Variants in MAP1A observed in about 807,000 individuals in gnomAD.
The protein encoded by MAP1A is microtubule-associated protein 1A.
A neutral mutation model predicts 185.9 loss-of-function variants in MAP1A; 42 were observed. The ratio of observed to expected loss-of-function variants is 0.23; its 90% CI spans 0.18 to 0.29. MAP1A has a LOEUF of 0.29. Ranked by LOEUF, MAP1A falls within the 10% of genes least tolerant of loss-of-function variation. MAP1A has a pLI of 1.00. For missense variants in MAP1A, 2,995 were observed against 3,450.4 expected, an observed-to-expected ratio of 0.87 and a Z score of 3.31; for synonymous variants, 1,229 against 1,335.9, an observed-to-expected ratio of 0.92 and a Z score of 1.74.
In MAP1A at chr15:43,521,609, G is replaced by A. The variant is rs2079319548; in HGVS notation, c.136G>A (p.Gly46Ser). The A allele has an allele frequency of 6.2e-7, 1 of 1,614,130 alleles. No individual in the cohort carries two copies. The highest frequency in any genetic ancestry group is 2.2e-5 in the East Asian group (1 of 44,878). Residue 46 changes from glycine (G) to serine (S), a missense_variant, in exon 4 of 6, where the codon GGT becomes AGT. By Grantham distance (56) the Gly-to-Ser change is moderately conservative. Coordinates refer to ENST00000300231, the MANE Select transcript of MAP1A (RefSeq NM_002373.6). This position sits in a 1 kb window ranked among gnomAD's most constrained non-coding sequence, Gnocchi z 4.6. ...SKPCCYIFPG[G>S]RGDSALFAVN... ...GCCTTGTTGCTACATCTTCCCAGGT[G>A]GTCGTGGGGACTCTGCCCTCTTTGC...
chr15:43,510,986 T>A, exon 1 of MAP1A: 1 of 1,537,672 alleles, frequency 6.5e-7, no homozygotes, highest in Non-Finnish European at 8.8e-7. Context: ...CGCGGGTGTT[T>A]CCATGGAGAC....
upstream of MAP1A, among the ~76,000 whole-genome samples, chr15:43,514,984 G>A (rs1488748737): frequency 6.6e-6 from 1 of 152,178 alleles, no homozygotes; most frequent in African/African-American, 2.4e-5. Flanking sequence ...GGGAGGCCGA[G>A]GTGGGTGGAT....
At chr15:43,511,217 C>G (rs2079275831) in exon 1 of MAP1A, 1 of 1,550,044 alleles carries the variant, frequency 6.5e-7, no homozygotes, top group Admixed American at 2.0e-5. Context: ...GCGGGCCCAC[C>G]TTGAACAAGG....
Position 43,524,954 on chromosome 15 carries a change from C to A in MAP1A, c.3481C>A (p.Pro1161Thr). ...ESLSVLSVPS[P>T]DTANQEPTPK... ...CCTCTCTGTCCTCAGCGTGCCCTCCCCAGACACTGCCAACCAAGAGCCTAC... is the reference window on the plus strand; with the variant it reads ...CCTCTCTGTCCTCAGCGTGCCCTCCACAGACACTGCCAACCAAGAGCCTAC... Residue 1161 changes from proline to threonine, a missense_variant, in exon 4 of 6, where the codon CCA becomes ACA. Pro to Thr is a conservative substitution (Grantham distance 38). Coordinates refer to ENST00000300231, the MANE Select transcript of MAP1A (RefSeq NM_002373.6). 6.2e-7 allele frequency: 1 copy of A among 1,614,158 alleles called. No homozygotes were observed. The highest frequency in any genetic ancestry group is 2.2e-5 in the East Asian group (1 of 44,878).
Position 43,526,335 on chromosome 15 carries a change from T to A in MAP1A, c.4862T>A (p.Leu1621Gln), listed in dbSNP as rs1226258462. 1 of 1,613,992 alleles carries A rather than the reference T, an allele frequency of 6.2e-7. No homozygotes were observed. Residue 1621 changes from leucine to glutamine, a missense_variant, in exon 4 of 6, where the codon CTG becomes CAG. Coordinates refer to ENST00000300231, the MANE Select transcript of MAP1A (RefSeq NM_002373.6). The surrounding 1 kb of genome is among the most constrained non-coding windows in gnomAD (Gnocchi z 4.7). ...GCTCTTCTGGAGAAGACCAAAGCTC[T>A]GGGCCTGGAAGAGAGCCTAGTGCAG... ...LEALLEKTKA[L>Q]GLEESLVQEG... is the part of the protein sequence containing the mutation.
Position 43,527,336 on chromosome 15 carries a change from G to C in MAP1A, c.5863G>C (p.Glu1955Gln), listed in dbSNP as rs762145094. 2 of 1,614,068 alleles carry C rather than the reference G, an allele frequency of 1.2e-6. No individual in the cohort carries two copies. Among genetic ancestry groups the C allele is most frequent in the South Asian group, 1.1e-5 (1 of 91,084 alleles). The change falls in exon 4 of 6, where the codon GAG (glutamate) becomes CAG (glutamine). Residue 1955 changes from glutamate to glutamine, a missense_variant. Glu to Gln is a conservative substitution (Grantham distance 29). This residue lies in a region of MAP1A where 2,728 missense variants were observed against 2,986.0 expected (regional missense o/e 0.91). Coordinates refer to ENST00000300231, the MANE Select transcript of MAP1A (RefSeq NM_002373.6). ...TGAGCAGACTGAGCCGGAGCAGAGA[G>C]AGCCCACACCCTATCCTGATGAGAG... is the stretch of plus-strand genomic sequence containing the variant. ...EPEQTEPEQR[E>Q]PTPYPDERSF...
chr15:43,520,527 TA>T, intron 1 of MAP1A, 113 bp from the exon 2 acceptor site: 1 of 743,876 alleles, frequency 1.3e-6, no homozygotes, highest in Non-Finnish European at 2.3e-6. Flanking sequence ...TGGCAGGGCC[TA>T]AGGATACCTT....
upstream of MAP1A, among the ~76,000 whole-genome samples, chr15:43,513,929 G>C (rs1170369107): frequency 6.6e-6 from 1 of 152,212 alleles, no homozygotes; most frequent in Non-Finnish European, 1.5e-5. Flanking sequence ...AATTCACACT[G>C]AATGCTCTAA....
In MAP1A at chr15:43,521,741, A is replaced by G. The variant is rs1468610334; in HGVS notation, c.268A>G (p.Ile90Val). The change falls in exon 4 of 6, where the codon ATT becomes GTT. Residue 90 changes from isoleucine to valine, a missense_variant. Coordinates refer to ENST00000300231, the MANE Select transcript of MAP1A (RefSeq NM_002373.6). This position sits in a 1 kb window ranked among gnomAD's most constrained non-coding sequence, Gnocchi z 4.6. ...DRIDSVLLTH[I>V]GADNLPGING... ...CATTGACTCGGTGCTACTCACACAC[A>G]TTGGGGCAGACAACCTGCCAGGCAT... 4.3e-6 allele frequency: 7 copies of G among 1,614,178 alleles called. No homozygotes were observed. The highest frequency in any genetic ancestry group is 5.9e-6 in the Non-Finnish European group (7 of 1,180,026).
rs1190487021 is a variant in MAP1A at position 43,527,232 on chromosome 15, G to A, written c.5759G>A (p.Gly1920Asp). 7 of 1,614,122 alleles carry A rather than the reference G, an allele frequency of 4.3e-6. No homozygotes were observed. The highest frequency in any genetic ancestry group is 2.2e-5 in the East Asian group (1 of 44,878). ...RKAEGEREEE[G>D]RAEAPDKSSH... is the part of the protein sequence containing the mutation. ...GCTGAAGGGGAAAGGGAAGAAGAAG[G>A]TAGGGCTGAGGCTCCTGACAAAAGC... is the stretch of plus-strand genomic sequence containing the variant. The change falls in exon 4 of 6, where the codon GGT (glycine) becomes GAT (aspartate). Residue 1920 changes from glycine (G) to aspartate (D), a missense_variant. Around this residue, in one of 3 missense-constraint regions of MAP1A, gnomAD observed 2,728 missense variants for 2,986.0 expected, o/e 0.91. Coordinates refer to ENST00000300231, the MANE Select transcript of MAP1A (RefSeq NM_002373.6).
chr15:43,528,075 C>T lies in MAP1A; in HGVS notation c.6602C>T (p.Ala2201Val), dbSNP rs2140210425. 1 of 1,614,040 alleles carries T rather than the reference C, an allele frequency of 6.2e-7. No homozygotes were observed. The highest frequency in any genetic ancestry group is 2.2e-5 in the East Asian group (1 of 44,880). ...TCCCTTGCCTTCTCTGGGGATCGAG[C>T]TCTGGCTCTGGCTCCAGGACCCCCC... Reference protein sequence around the residue: ...CGSLAFSGDRALALAPGPPTR... With the variant: ...CGSLAFSGDRVLALAPGPPTR... The change falls in exon 4 of 6, where the codon GCT (alanine) becomes GTT (valine). Residue 2201 changes from alanine to valine, a missense_variant. Ala to Val is a moderately conservative substitution (Grantham distance 64). Coordinates refer to ENST00000300231, the MANE Select transcript of MAP1A (RefSeq NM_002373.6).
rs1405330549 is a variant in MAP1A, at chr15:43,527,007, G to C, written c.5534G>C (p.Trp1845Ser). The C allele has an allele frequency of 6.2e-7, 1 of 1,611,322 alleles. No individual in the cohort carries two copies. The highest frequency in any genetic ancestry group is 1.1e-5 in the South Asian group (1 of 90,600). The change falls in exon 4 of 6, where the codon TGG becomes TCG. Residue 1845 changes from tryptophan to serine, a missense_variant. Around this residue, in one of 3 missense-constraint regions of MAP1A, gnomAD observed 2,728 missense variants for 2,986.0 expected, o/e 0.91. Transcript: ENST00000300231. ...TPSWLADIPPWVPKDRPLPPA... is the reference protein window; with the variant it reads ...TPSWLADIPPSVPKDRPLPPA... The stretch of plus-strand genomic sequence containing the variant: ...TCATGGCTGGCTGACATCCCACCCT[G>C]GGTGCCCAAGGACAGACCCCTCCCC...
At position 43,525,244 on chromosome 15, in the gene MAP1A, G is replaced by A; in HGVS notation, c.3771G>A (p.Glu1257=). The change falls in exon 4 of 6, where the codon GAG becomes GAA. Residue 1257 remains glutamate (E), a synonymous_variant. Transcript: ENST00000300231. ...ACACAGCTCCCATGTCTGTTCCAGA[G>A]CCCCATGCAGCCACAGCGTCACCTC... ...SHHTAPMSVP[E]PHAATASPPT... The A allele has an allele frequency of 6.2e-7, 1 of 1,614,134 alleles. No homozygotes were observed. Among genetic ancestry groups the A allele is most frequent in the Non-Finnish European group, 8.5e-7 (1 of 1,180,012 alleles).
chr15:43,521,710 G>A lies in MAP1A; in HGVS notation c.237G>A (p.Leu79=). 1 of 1,614,184 alleles carries A rather than the reference G, an allele frequency of 6.2e-7. No individual in the cohort carries two copies. Among genetic ancestry groups the A allele is most frequent in the Non-Finnish European group, 8.5e-7 (1 of 1,180,040 alleles). ...KSCFWKLVRH[L]DRIDSVLLTH... ...GTTTTTGGAAGCTGGTACGGCACTT[G>A]GACCGCATTGACTCGGTGCTACTCA... Residue 79 remains leucine, a synonymous_variant, in exon 4 of 6, where the codon TTG becomes TTA. Transcript: ENST00000300231. The surrounding 1 kb of genome is among the most constrained non-coding windows in gnomAD (Gnocchi z 4.6).
Position 43,527,468 on chromosome 15 carries a change from T to G in MAP1A, c.5995T>G (p.Cys1999Gly), listed in dbSNP as rs756889238. 1 of 1,613,980 alleles carries G rather than the reference T, an allele frequency of 6.2e-7. No homozygotes were observed. Among genetic ancestry groups the G allele is most frequent in the African/African-American group, 1.3e-5 (1 of 74,920 alleles). Residue 1999 changes from cysteine to glycine, a missense_variant, in exon 4 of 6, where the codon TGC (cysteine) becomes GGC (glycine). Physicochemically the swap from Cys to Gly is radical, Grantham distance 159 (BLOSUM62 -3). Transcript: ENST00000300231. ...TGGAGCAGCTGGGGATTGGCCCCCA[T>G]GCCTCTCAACCAAGGAGGCAGCTGC... The part of the protein sequence containing the change: ...PLGAAGDWPP[C>G]LSTKEAAAGR...
At chr15:43,517,534 G>A (rs1170559154), upstream of MAP1A, 10 of 203,368 alleles carry the variant, frequency 4.9e-5, no homozygotes, top group Non-Finnish European at 8.7e-6. Flanking sequence ...CCTCGTCACG[G>A]ACCAGCCCCT....
At position 43,525,295 on chromosome 15, in the gene MAP1A, T is replaced by A; in HGVS notation, c.3822T>A (p.Ser1274=). Residue 1274 remains serine, a synonymous_variant, in exon 4 of 6, where the codon TCT becomes TCA. Coordinates refer to ENST00000300231, the MANE Select transcript of MAP1A (RefSeq NM_002373.6). The part of the protein sequence containing the change: ...SPPTDGTTRY[S]AQTDITDDSL... ...CCACAGATGGGACAACTCGATACTCTGCACAGACAGACATCACAGATGACA... is the reference window on the plus strand; with the variant it reads ...CCACAGATGGGACAACTCGATACTCAGCACAGACAGACATCACAGATGACA... The A allele has an allele frequency of 6.2e-7, 1 of 1,614,190 alleles. No individual in the cohort carries two copies. Among genetic ancestry groups the A allele is most frequent in the Non-Finnish European group, 8.5e-7 (1 of 1,180,038 alleles).
At position 43,527,908 on chromosome 15, in the gene MAP1A, T is replaced by C. The variant is rs763726308; in HGVS notation, c.6435T>C (p.His2145=). 16 of 1,614,016 alleles carry C rather than the reference T, an allele frequency of 9.9e-6. No individual in the cohort carries two copies. The highest frequency in any genetic ancestry group is 5.1e-6 in the Non-Finnish European group (6 of 1,180,020). ...CATTATGGCCAGAAACTGAGGCACA[T>C]GTTAGCCCTCCCTTGGACTCACACC... is the stretch of plus-strand genomic sequence containing the variant. The part of the protein sequence containing the change: ...SPTLWPETEA[H]VSPPLDSHLG... The change falls in exon 4 of 6, where the codon CAT becomes CAC. Residue 2145 remains histidine (H), a synonymous_variant. Coordinates refer to ENST00000300231, the MANE Select transcript of MAP1A (RefSeq NM_002373.6).
rs1384892831 is a variant in MAP1A, at chr15:43,525,266, C to T, written c.3793C>T (p.Pro1265Ser). Residue 1265 changes from proline (P) to serine (S), a missense_variant, in exon 4 of 6, where the codon CCT becomes TCT. By Grantham distance (74) the Pro-to-Ser change is moderately conservative. Around this residue, in one of 3 missense-constraint regions of MAP1A, gnomAD observed 2,728 missense variants for 2,986.0 expected, o/e 0.91. Transcript: ENST00000300231. ...AGAGCCCCATGCAGCCACAGCGTCA[C>T]CTCCCACAGATGGGACAACTCGATA... ...VPEPHAATAS[P>S]PTDGTTRYSA... is the part of the protein sequence containing the mutation. 6.2e-7 allele frequency: 1 copy of T among 1,614,214 alleles called. No individual in the cohort carries two copies.
Sources: gnomAD v4.1 joint callset for allele counts (sites outside exome capture counted in the v4.1 genomes callset) on GRCh38, gnomAD v4.1.1 for gene constraint, gnomAD v4.1.1 regional missense constraint, Gnocchi (gnomAD v3.1) non-coding constraint, MANE v1.5 for transcripts, NCBI Gene and HGNC (gene_info 2026-07-23, HGNC 2026-07-21) for gene names.